Variants in RAPH1 observed in about 807,000 individuals in gnomAD.
The protein encoded by RAPH1 is Ras association (RalGDS/AF-6) and pleckstrin homology domains 1.
In RAPH1, 18 loss-of-function variants were observed where a neutral mutation model predicts 88.1. The ratio of observed to expected loss-of-function variants is 0.20; its 90% CI spans 0.14 to 0.30. The LOEUF (loss-of-function observed/expected upper bound fraction) is 0.30. Ranked by LOEUF, RAPH1 falls within the 10% of genes least tolerant of loss-of-function variation. The pLI, the probability that RAPH1 is intolerant of heterozygous loss-of-function variation, is 1.00. For synonymous variants in RAPH1, 587 were observed against 559.0 expected, an observed-to-expected ratio of 1.05 and a Z score of -0.71; for missense variants, 1,448 against 1,543.2, an observed-to-expected ratio of 0.94 and a Z score of 1.03.
chr2:203,532,491 T>G (rs1327991616), intron 1 of RAPH1, among the ~76,000 whole-genome samples: 1 of 152,206 alleles, frequency 6.6e-6, no homozygotes, highest in East Asian at 1.9e-4. Flanking sequence ...AATACAAGCT[T>G]AAGAATTAGG....
chr2:203,532,425 CT>C (rs1255504445), intron 1 of RAPH1, among the ~76,000 whole-genome samples: 3 of 152,158 alleles, frequency 2.0e-5, no homozygotes, highest in Non-Finnish European at 2.9e-5. Context: ...TACCACATTT[CT>C]TTCAAAGAGT....
chr2:203,443,338 CAAT>C (rs2098505994), intron 13 of RAPH1: 1 of 152,200 alleles, frequency 6.6e-6, no homozygotes, highest in Admixed American at 6.5e-5. Context: ...ACTGGTTCCT[CAAT>C]GATGGAGTGA....
Position 203,448,714 on chromosome 2 carries a change from T to A in RAPH1, c.1512+24A>T. ...CATCGACAAACACCTCATTATTCCA[T>A]CATCAAATCAAAAGGAGACATGCCT... is the stretch of plus-strand genomic sequence containing the variant. On this transcript the variant is annotated intron_variant, in intron 11 of 13. Transcript: ENST00000319170. The surrounding 1 kb of genome is among the most constrained non-coding windows in gnomAD (Gnocchi z 4.1). The A allele has an allele frequency of 6.8e-7, 1 of 1,466,898 alleles. No individual in the cohort carries two copies. The highest frequency in any genetic ancestry group is 9.4e-7 in the Non-Finnish European group (1 of 1,062,008). The allele number at this position is 1,466,898 out of a possible 1,614,324, so 90.9% of individuals were successfully genotyped here. A position where few individuals can be genotyped will look rare whatever the true frequency, so the allele number is the denominator to read the frequency against.
At chr2:203,501,949 C>T (rs1466483155) in intron 1 of RAPH1, among the ~76,000 whole-genome samples, 4 of 152,204 alleles carry the variant, frequency 2.6e-5, no homozygotes, top group East Asian at 1.9e-4. Context: ...CTGCCTCAGC[C>T]TCCCTGAGTA....
Position 203,491,210 on chromosome 2 carries a change from T to G in RAPH1, c.226+4A>C, listed in dbSNP as rs753161358. 3 of 1,585,172 alleles carry G rather than the reference T, an allele frequency of 1.9e-6. No individual in the cohort carries two copies. The South Asian group carries it at 3.3e-5, about 18-fold the overall frequency. On this transcript the variant is annotated splice_donor_region_variant and intron_variant, in intron 3 of 13. Coordinates refer to ENST00000319170, the MANE Select transcript of RAPH1 (RefSeq NM_213589.3). ...TTTACATTTTATTTCCAATTACATC[T>G]TACCATTCAAGTTGTATATGGAGAA...
intron 13 of RAPH1, chr2:203,442,031 A>AG (rs1559443950): frequency 2.5e-6 from 4 of 1,574,362 alleles, no homozygotes; most frequent in Non-Finnish European, 3.4e-6. Flanking sequence ...CAACATGCAC[A>AG]GAAGTCCAGC....
intron 4 of RAPH1, among the ~76,000 whole-genome samples, chr2:203,471,397 A>C (rs1296899896): frequency 1.3e-5 from 2 of 152,176 alleles, no homozygotes; most frequent in Non-Finnish European, 2.9e-5. Context: ...AGATCTCTTG[A>C]GGTCAGGAGT....
chr2:203,486,062 A>G (rs948513395), intron 4 of RAPH1, among the ~76,000 whole-genome samples: 1 of 151,024 alleles, frequency 6.6e-6, no homozygotes, highest in East Asian at 1.9e-4. Flanking sequence ...CCAGCCTAGG[A>G]AAAAAAACCT....
chr2:203,512,913 C>G (rs1689418366), intron 1 of RAPH1, among the ~76,000 whole-genome samples: 1 of 152,090 alleles, frequency 6.6e-6, no homozygotes, highest in Non-Finnish European at 1.5e-5. Context: ...CATGAGCCAC[C>G]GCGCCCGGCC....
intron 4 of RAPH1, among the ~76,000 whole-genome samples, chr2:203,479,615 A>T (rs1430575832): frequency 6.6e-6 from 1 of 152,074 alleles, no homozygotes; most frequent in Non-Finnish European, 1.5e-5. Context: ...CAAAAAAAAA[A>T]AAAAAAAATT....
In RAPH1 at chr2:203,437,963, T is replaced by C. The variant is rs1355043230; in HGVS notation, c.*1474A>G. 9.0e-6 allele frequency: 3 copies of C among 334,334 alleles called. No homozygotes were observed. Among genetic ancestry groups the C allele is most frequent in the African/African-American group, 6.5e-5 (3 of 45,996 alleles). 20.7% of individuals were successfully genotyped at this position (334,334 alleles called of 1,614,324 possible). On this transcript the variant is annotated 3_prime_UTR_variant, in exon 14 of 14. Coordinates refer to ENST00000319170, the MANE Select transcript of RAPH1 (RefSeq NM_213589.3). ...GTTTTATTCCTAATAGTCCAATTTA[T>C]CATAAGTTGATGAGAGTACTTATTT...
At chr2:203,463,284 A>C (rs1340062628) in intron 4 of RAPH1, among the ~76,000 whole-genome samples, 1 of 152,158 alleles carries the variant, frequency 6.6e-6, no homozygotes, top group African/African-American at 2.4e-5. Flanking sequence ...TCATCATATC[A>C]GCCAAACTTT....
chr2:203,461,266 A>C lies in RAPH1; in HGVS notation c.953T>G (p.Val318Gly), dbSNP rs1478361353. 16 of 1,584,866 alleles carry C rather than the reference A, an allele frequency of 1.0e-5. No individual in the cohort carries two copies. Among genetic ancestry groups the C allele is most frequent in the Non-Finnish European group, 1.4e-5 (16 of 1,165,228 alleles). The stretch of plus-strand genomic sequence containing the variant: ...TTACTAACCCATTTGTAATTCAGAA[A>C]CGGTTTCTACCAGTGACCAGTCTAA... Reference protein sequence around the residue: ...YSLDWSLVETVSELQMERIFE... With the variant: ...YSLDWSLVETGSELQMERIFE... The change falls in exon 6 of 14, where the codon GTT (valine) becomes GGT (glycine). Residue 318 changes from valine (V) to glycine (G), a missense_variant. This residue lies in a region of RAPH1 where 513 missense variants were observed against 653.1 expected (regional missense o/e 0.79). Transcript: ENST00000319170.
intron 4 of RAPH1, among the ~76,000 whole-genome samples, chr2:203,479,472 C>A (rs1687620987): frequency 6.6e-6 from 1 of 151,922 alleles, no homozygotes. Context: ...GGGGTGGTGA[C>A]TCGTGCCTGT....
At chr2:203,522,270 C>T (rs1689911375) in intron 1 of RAPH1, among the ~76,000 whole-genome samples, 1 of 152,164 alleles carries the variant, frequency 6.6e-6, no homozygotes, top group South Asian at 2.1e-4. Flanking sequence ...ATGGAAAAAT[C>T]TCCATACCAA....
rs1374368493 is a variant in RAPH1, at chr2:203,455,474, G to A, written c.1265C>T (p.Ala422Val). The part of the protein sequence containing the change: ...SWKKRYFLLR[A>V]SGIYYVPKGK... ...TTTGGGAACATAGTAGATACCAGAT[G>A]CTCGCAAGAGAAAATAACGCTTTTT... is the stretch of plus-strand genomic sequence containing the variant. The change falls in exon 9 of 14, where the codon GCA becomes GTA. Residue 422 changes from alanine (A) to valine (V), a missense_variant. This residue lies in a region of RAPH1 where 513 missense variants were observed against 653.1 expected (regional missense o/e 0.79). Coordinates refer to ENST00000319170, the MANE Select transcript of RAPH1 (RefSeq NM_213589.3). 1 of 1,613,966 alleles carries A rather than the reference G, an allele frequency of 6.2e-7. No individual in the cohort carries two copies. The highest frequency in any genetic ancestry group is 1.1e-5 in the South Asian group (1 of 91,052).
chr2:203,500,457 C>T (rs899802305), intron 1 of RAPH1, among the ~76,000 whole-genome samples: 3 of 152,130 alleles, frequency 2.0e-5, no homozygotes, highest in Non-Finnish European at 4.4e-5. Flanking sequence ...AAATCCTAAG[C>T]CATACCAAAA....
intron 4 of RAPH1, among the ~76,000 whole-genome samples, chr2:203,472,412 G>A (rs146456208): frequency 4.7e-4 from 72 of 152,274 alleles, no homozygotes; most frequent in African/African-American, 1.7e-3. Flanking sequence ...GATTATAGGC[G>A]TGAGCCACTG....
At chr2:203,482,446 A>T (rs1687772669) in intron 4 of RAPH1, among the ~76,000 whole-genome samples, 1 of 152,194 alleles carries the variant, frequency 6.6e-6, no homozygotes, top group East Asian at 1.9e-4. Context: ...TTGGCCTCCC[A>T]AAGTGCCGGG....
Sources: gnomAD v4.1 joint callset for allele counts (sites outside exome capture counted in the v4.1 genomes callset) on GRCh38, gnomAD v4.1.1 for gene constraint, gnomAD v4.1.1 regional missense constraint, Gnocchi (gnomAD v3.1) non-coding constraint, MANE v1.5 for transcripts, NCBI Gene and HGNC (gene_info 2026-07-23, HGNC 2026-07-21) for gene names.